Variants in SRP54 observed in about 807,000 individuals in gnomAD.
SRP54 encodes the protein signal recognition particle subunit SRP54.
In SRP54, 10 loss-of-function variants were observed where a neutral mutation model predicts 64.8. That is an observed-to-expected ratio of 0.15 (90% CI 0.10 to 0.26). The LOEUF (loss-of-function observed/expected upper bound fraction) is 0.26, where lower values mean the gene tolerates loss of function less well. SRP54 is among the 10% of genes least tolerant of loss of function. The pLI is 1.00. For synonymous variants in SRP54, 193 were observed against 185.6 expected (o/e 1.04, Z -0.32); for missense variants, 325 against 613.7 (o/e 0.53, Z 4.97).
chr14:35,010,012 G>T (rs1340970048), intron 7 of SRP54, among the ~76,000 whole-genome samples: 1 of 151,956 alleles, frequency 6.6e-6, no homozygotes, highest in East Asian at 1.9e-4. Flanking sequence ...GCTGGGCGTG[G>T]TAGTGGGTGC....
chr14:35,025,122 G>A (rs575916139), intron 14 of SRP54, among the ~76,000 whole-genome samples: 70 of 152,020 alleles, frequency 4.6e-4, no homozygotes, highest in Non-Finnish European at 9.3e-4. Flanking sequence ...AAAAGATAAG[G>A]TTTTCCAAAG....
At chr14:35,000,858 G>T (rs2044159196) in intron 3 of SRP54, 78 bp from the exon 4 acceptor site, 3 of 673,704 alleles carry the variant, frequency 4.5e-6, no homozygotes, top group Admixed American at 6.6e-5. Flanking sequence ...ACATTCTTTG[G>T]AGCAGAAGCT....
At chr14:34,983,775 C>G (rs1210214683) in intron 1 of SRP54, among the ~76,000 whole-genome samples, 2 of 152,232 alleles carry the variant, frequency 1.3e-5, no homozygotes, top group Non-Finnish European at 2.9e-5. Context: ...AAAATATATA[C>G]TTGTTCTTGG....
chr14:34,993,985 G>T (rs1208727754), intron 1 of SRP54, among the ~76,000 whole-genome samples: 2 of 138,076 alleles, frequency 1.4e-5, no homozygotes, highest in Non-Finnish European at 3.1e-5. Flanking sequence ...ATGAGCCACC[G>T]CACCTGGCCC....
In SRP54 at chr14:35,013,880, G is replaced by A; in HGVS notation, c.864G>A (p.Gln288=). Residue 288 remains glutamine, a synonymous_variant, in exon 10 of 16, where the codon CAG becomes CAA. Transcript: ENST00000216774. The stretch of plus-strand genomic sequence containing the variant: ...ATGACTTTGAACCTTTCAAAACACA[G>A]CCTTTTATTAGCAAACTTCTTGGTA... The part of the protein sequence containing the change: ...HIDDFEPFKT[Q]PFISKLLGMG... 1 of 1,613,528 alleles carries A rather than the reference G, an allele frequency of 6.2e-7. No individual in the cohort carries two copies. The highest frequency in any genetic ancestry group is 8.5e-7 in the Non-Finnish European group (1 of 1,179,594).
intron 13 of SRP54, among the ~76,000 whole-genome samples, chr14:35,021,019 A>G (rs1449657432): frequency 6.6e-6 from 1 of 152,166 alleles, no homozygotes; most frequent in Non-Finnish European, 1.5e-5. Context: ...GAGCTGTTGG[A>G]AGGAATATAA....
chr14:35,002,419 T>C (rs895289606), intron 4 of SRP54, among the ~76,000 whole-genome samples: 11 of 151,140 alleles, frequency 7.3e-5, no homozygotes, highest in East Asian at 1.9e-4. Context: ...CAATCATTTT[T>C]CCCCCACATT....
intron 2 of SRP54, among the ~76,000 whole-genome samples, chr14:34,997,191 C>A (rs1323114881): frequency 2.0e-5 from 3 of 152,048 alleles, no homozygotes; most frequent in Admixed American, 2.0e-4. Context: ...TTTTATTTAG[C>A]ATTTTTATAA....
intron 5 of SRP54, among the ~76,000 whole-genome samples, chr14:35,008,208 A>C (rs773817307): frequency 5.3e-5 from 8 of 152,102 alleles, no homozygotes; most frequent in Non-Finnish European, 1.0e-4. Context: ...TGACCGCTTT[A>C]TGCTAATTTT....
At chr14:34,990,555 G>A (rs901088159) in intron 1 of SRP54, among the ~76,000 whole-genome samples, 2 of 152,182 alleles carry the variant, frequency 1.3e-5, no homozygotes, top group Non-Finnish European at 2.9e-5. Flanking sequence ...CCCCATCTAA[G>A]TAGAGATTCT....
At chr14:35,015,587 T>G (rs1291874670) in intron 11 of SRP54, among the ~76,000 whole-genome samples, 2 of 151,972 alleles carry the variant, frequency 1.3e-5, no homozygotes, top group African/African-American at 2.4e-5. Context: ...TAGCCTCAAT[T>G]TTGTCATCTA....
intron 4 of SRP54, among the ~76,000 whole-genome samples, chr14:35,006,802 T>G (rs2044264165): frequency 6.6e-6 from 1 of 152,188 alleles, no homozygotes; most frequent in Admixed American, 6.5e-5. Context: ...CTTCTTAAAT[T>G]TATGTTCTTA....
chr14:35,028,051 C>A, intron 14 of SRP54, 37 bp from the exon 15 acceptor site: 1 of 1,433,356 alleles, frequency 7.0e-7, no homozygotes, highest in South Asian at 1.2e-5. Context: ...ATATTACCTC[C>A]TACGCTGACT....
chr14:35,022,829 AGTT>A, intron 13 of SRP54, 78 bp from the exon 14 acceptor site: 1 of 1,148,406 alleles, frequency 8.7e-7, no homozygotes, highest in Non-Finnish European at 1.2e-6. Flanking sequence ...AGCTCTTTGA[AGTT>A]ATATATTGCC....
intron 14 of SRP54, among the ~76,000 whole-genome samples, chr14:35,023,351 A>G (rs1457439641): frequency 6.6e-6 from 1 of 151,910 alleles, no homozygotes; most frequent in Non-Finnish European, 1.5e-5. Context: ...TTAAATTTAG[A>G]TAATATAAGG....
intron 1 of SRP54, among the ~76,000 whole-genome samples, chr14:34,995,179 G>GTT (rs2044052085): frequency 8.6e-6 from 1 of 116,142 alleles, no homozygotes; most frequent in Non-Finnish European, 2.1e-5. Flanking sequence ...GTGTGTGTGT[G>GTT]TGTGTGTGTA....
At chr14:35,005,145 A>G in intron 4 of SRP54, among the ~76,000 whole-genome samples, 1 of 152,200 alleles carries the variant, frequency 6.6e-6, no homozygotes, top group African/African-American at 2.4e-5. Flanking sequence ...CAGTCTGGGC[A>G]ACATAGCAAT....
chr14:35,014,307 C>T (rs893452748), intron 10 of SRP54, among the ~76,000 whole-genome samples: 5 of 98,698 alleles, frequency 5.1e-5, no homozygotes, highest in African/African-American at 1.1e-4. Flanking sequence ...GACGGAGTTT[C>T]GCTCTTGTCA....
intron 1 of SRP54, among the ~76,000 whole-genome samples, chr14:34,995,180 TGTGTGTGTAG>T (rs1455632642): frequency 1.8e-5 from 2 of 113,380 alleles, no homozygotes; most frequent in Admixed American, 9.1e-5. Flanking sequence ...TGTGTGTGTG[TGTGTGTGTAG>T]AGAGAGAGAG....
Sources: gnomAD v4.1 joint callset for allele counts (sites outside exome capture counted in the v4.1 genomes callset) on GRCh38, gnomAD v4.1.1 for gene constraint, MANE v1.5 for transcripts, NCBI Gene and HGNC (gene_info 2026-07-23, HGNC 2026-07-21) for gene names.